ASCC1: variants seen among roughly 807,000 people sequenced by gnomAD.
ASCC1 encodes ASC-1 complex subunit P50.
Under a neutral mutation model 46.6 loss-of-function variants are expected in ASCC1, and 35 were observed. The ratio of observed to expected loss-of-function variants is 0.75; its 90% CI spans 0.57 to 0.99. ASCC1 has a LOEUF of 0.99. ASCC1 is among the 50% of genes least tolerant of loss of function. The pLI, the probability that ASCC1 is intolerant of heterozygous loss-of-function variation, is 0.00. For synonymous variants in ASCC1, 143 were observed against 146.6 expected (o/e 0.98, Z 0.18); for missense variants, 376 against 428.7 (o/e 0.88, Z 1.09).
rs189250477 is a variant in ASCC1, at chr10:72,107,846, G to T, written c.958-10396C>A. 4.8e-4 allele frequency among the ~76,000 whole-genome samples: 73 copies of T among 152,164 alleles called. 1 individual carries two copies. Among genetic ancestry groups the T allele is most frequent in the African/African-American group, 1.6e-3 (68 of 41,518 alleles). ...CACTTAAACTTGTATCTGTAACCTGGGCAGCTGTAACTGTTGTTTTTCTGA... is the reference window on the plus strand; with the variant it reads ...CACTTAAACTTGTATCTGTAACCTGTGCAGCTGTAACTGTTGTTTTTCTGA... On this transcript the variant is annotated intron_variant, in intron 9 of 9. Coordinates refer to ENST00000672957, the MANE Select transcript of ASCC1 (RefSeq NM_001198800.3).
intron 3 of ASCC1, among the ~76,000 whole-genome samples, chr10:72,209,174 A>G (rs557319212): frequency 2.0e-5 from 3 of 151,644 alleles, no homozygotes; most frequent in African/African-American, 7.3e-5. Flanking sequence ...TTAAAAAAAA[A>G]AAAAAGAGAT....
At chr10:72,210,970 A>G in intron 2 of ASCC1, 139 bp from the exon 3 acceptor site, 1 of 739,032 alleles carries the variant, frequency 1.4e-6, no homozygotes, top group Admixed American at 2.0e-5. Context: ...TGTACATTCC[A>G]TGACACTGCT....
At chr10:72,212,732 CAGCTACTCAGGAGG>C (rs1290217003) in intron 2 of ASCC1, among the ~76,000 whole-genome samples, 1 of 151,998 alleles carries the variant, frequency 6.6e-6, no homozygotes. Context: ...GCTGTAATCC[CAGCTACTCAGGAGG>C]CTGAGGCACC....
At chr10:72,146,750 G>A (rs1037595571) in intron 7 of ASCC1, among the ~76,000 whole-genome samples, 2 of 152,088 alleles carry the variant, frequency 1.3e-5, no homozygotes, top group Non-Finnish European at 2.9e-5. Context: ...TGTTTCCAGA[G>A]AACAAATCTG....
At chr10:72,161,801 C>A in intron 5 of ASCC1, 127 bp from the exon 6 acceptor site, 1 of 1,008,164 alleles carries the variant, frequency 9.9e-7, no homozygotes, top group Middle Eastern at 2.7e-4. Context: ...GTGCCAAGAC[C>A]ATTCAATAGA....
intron 5 of ASCC1, among the ~76,000 whole-genome samples, chr10:72,179,318 C>A (rs1212351269): frequency 1.3e-5 from 2 of 152,078 alleles, no homozygotes; most frequent in Non-Finnish European, 2.9e-5. Context: ...CTTTTTTAAA[C>A]CCTCAAATAC....
intron 4 of ASCC1, among the ~76,000 whole-genome samples, chr10:72,199,303 T>A (rs2133328549): frequency 7.3e-6 from 1 of 137,072 alleles, no homozygotes; most frequent in African/African-American, 2.7e-5. Flanking sequence ...TTTTTTTTTT[T>A]TTTTTTTTTT....
chr10:72,211,957 G>A (rs930077306), intron 2 of ASCC1, among the ~76,000 whole-genome samples: 3 of 152,218 alleles, frequency 2.0e-5, no homozygotes, highest in African/African-American at 7.2e-5. Flanking sequence ...GCCAAGGCAA[G>A]AGGATCACCC....
At chr10:72,101,276 T>C (rs1055982949) in intron 9 of ASCC1, among the ~76,000 whole-genome samples, 2 of 152,182 alleles carry the variant, frequency 1.3e-5, no homozygotes, top group Admixed American at 6.5e-5. Flanking sequence ...GCTTTCTGTA[T>C]GTATGTTCTA....
intron 9 of ASCC1, among the ~76,000 whole-genome samples, chr10:72,098,696 A>G (rs3780944): frequency 6.6e-6 from 1 of 152,200 alleles, no homozygotes; most frequent in African/African-American, 2.4e-5. Flanking sequence ...CTGAGGGTTC[A>G]TTAAAGGCTA....
intron 9 of ASCC1, 105 bp from the exon 10 acceptor site, chr10:72,097,555 A>C: frequency 1.4e-6 from 1 of 705,886 alleles, no homozygotes; most frequent in Non-Finnish European, 2.5e-6. Context: ...AATCCCAACA[A>C]ATCTCTCATG....
intron 9 of ASCC1, among the ~76,000 whole-genome samples, chr10:72,097,767 C>T (rs1348469873): frequency 6.6e-6 from 1 of 152,236 alleles, no homozygotes; most frequent in Non-Finnish European, 1.5e-5. Flanking sequence ...AGCAAACGCC[C>T]CATGGCCACA....
At chr10:72,117,447 T>G (rs1843623737) in intron 9 of ASCC1, among the ~76,000 whole-genome samples, 1 of 152,224 alleles carries the variant, frequency 6.6e-6, no homozygotes. Context: ...TTCCTCCTTT[T>G]AGAACACTAA....
chr10:72,195,118 GT>G (rs1264329870), intron 5 of ASCC1, among the ~76,000 whole-genome samples: 1 of 131,632 alleles, frequency 7.6e-6, no homozygotes, highest in Non-Finnish European at 1.7e-5. Flanking sequence ...GGTTTTTTAG[GT>G]TTTGTGTGTT....
chr10:72,205,173 T>TA (rs927972167), intron 3 of ASCC1, among the ~76,000 whole-genome samples: 1 of 151,720 alleles, frequency 6.6e-6, no homozygotes, highest in East Asian at 2.0e-4. Flanking sequence ...ATCCTGTCTC[T>TA]AAAAAAATAA....
At chr10:72,151,367 T>C (rs1484272758) in intron 7 of ASCC1, among the ~76,000 whole-genome samples, 1 of 151,854 alleles carries the variant, frequency 6.6e-6, no homozygotes, top group Admixed American at 6.6e-5. Flanking sequence ...ACACCGCATG[T>C]TCTCACTCAT....
intron 9 of ASCC1, among the ~76,000 whole-genome samples, chr10:72,101,830 TCAA>T (rs1295698792): frequency 1.3e-5 from 2 of 152,056 alleles, no homozygotes; most frequent in Non-Finnish European, 2.9e-5. Context: ...GTTGAGTGTC[TCAA>T]CTACAAACAG....
intron 5 of ASCC1, among the ~76,000 whole-genome samples, chr10:72,162,201 C>T (rs924755539): frequency 6.6e-6 from 1 of 152,074 alleles, no homozygotes; most frequent in African/African-American, 2.4e-5. Context: ...GACAGAATCT[C>T]GCTCTGTTGC....
chr10:72,160,805 C>T (rs937212642), intron 6 of ASCC1, among the ~76,000 whole-genome samples: 3 of 147,606 alleles, frequency 2.0e-5, no homozygotes, highest in Admixed American at 6.7e-5. Context: ...AAAAAGAGGC[C>T]GGGCTTGGTT....
Sources: gnomAD v4.1 joint callset for allele counts (sites outside exome capture counted in the v4.1 genomes callset) on GRCh38, gnomAD v4.1.1 for gene constraint, MANE v1.5 for transcripts, NCBI Gene and HGNC (gene_info 2026-07-23, HGNC 2026-07-21) for gene names.